Variants in FHIT observed in about 807,000 individuals in gnomAD.
FHIT encodes fragile histidine triad diadenosine triphosphatase, also known as bis(5'-adenosyl)-triphosphatase.
FHIT carries 19 observed loss-of-function variants against 17.9 expected under a neutral mutation model. The observed-to-expected ratio is 1.06, with a 90% CI of 0.74 to 1.56. The LOEUF is 1.56. Among genes scored for constraint, FHIT ranks in the 40% most tolerant of loss-of-function variants. FHIT has a pLI of 0.00. For synonymous variants in FHIT, 81 were observed against 69.7 expected, an observed-to-expected ratio of 1.16 and a Z score of -0.81; for missense variants, 248 against 189.2, an observed-to-expected ratio of 1.31 and a Z score of -1.82.
intron 5 of FHIT, among the ~76,000 whole-genome samples, chr3:60,320,901 C>T (rs1027575228): frequency 5.3e-5 from 8 of 152,068 alleles, no homozygotes; most frequent in South Asian, 2.1e-4. Flanking sequence ...AAACCCAAAT[C>T]GTAATGATCA....
chr3:61,151,054 T>G (rs2037372466), intron 2 of FHIT, among the ~76,000 whole-genome samples: 1 of 152,254 alleles, frequency 6.6e-6, no homozygotes, highest in African/African-American at 2.4e-5. Context: ...TAAAATTATT[T>G]ACTTACTTTG....
intron 4 of FHIT, among the ~76,000 whole-genome samples, chr3:60,586,231 T>G (rs73836606): frequency 0.015 from 2,319 of 152,008 alleles, 91 homozygotes; most frequent in African/African-American, 0.053. Context: ...TCAAAATGAA[T>G]AAATAAAGGT....
chr3:60,403,288 G>T (rs1004236884), intron 5 of FHIT, among the ~76,000 whole-genome samples: 1 of 152,124 alleles, frequency 6.6e-6, no homozygotes, highest in Non-Finnish European at 1.5e-5. Flanking sequence ...ATTATCTTAG[G>T]AGCTGGTGGT....
intron 2 of FHIT, among the ~76,000 whole-genome samples, chr3:61,083,396 C>A (rs934168342): frequency 6.6e-6 from 1 of 152,190 alleles, no homozygotes; most frequent in African/African-American, 2.4e-5. Flanking sequence ...CGAGACCATC[C>A]TGGCTACCAC....
At chr3:60,989,882 T>C (rs2030030130) in intron 3 of FHIT, among the ~76,000 whole-genome samples, 1 of 152,132 alleles carries the variant, frequency 6.6e-6, no homozygotes, top group Non-Finnish European at 1.5e-5. Context: ...AATAAAAGCC[T>C]GAGGTGGAAG....
intron 5 of FHIT, among the ~76,000 whole-genome samples, chr3:60,528,024 AG>A (rs2035638607): frequency 6.6e-6 from 1 of 152,252 alleles, no homozygotes; most frequent in Non-Finnish European, 1.5e-5. Flanking sequence ...CCCAGGCTAG[AG>A]TGCAGAGGTG....
intron 5 of FHIT, among the ~76,000 whole-genome samples, chr3:60,304,666 T>C (rs1487637833): frequency 6.6e-6 from 1 of 152,150 alleles, no homozygotes; most frequent in East Asian, 1.9e-4. Flanking sequence ...GTGCCATATA[T>C]TGCATGGGAC....
intron 3 of FHIT, among the ~76,000 whole-genome samples, chr3:60,907,374 G>A (rs1706486386): frequency 6.6e-6 from 1 of 152,098 alleles, no homozygotes; most frequent in Non-Finnish European, 1.5e-5. Flanking sequence ...TCATGAAAGA[G>A]AAATAAAAGG....
intron 6 of FHIT, among the ~76,000 whole-genome samples, chr3:60,012,859 G>A (rs1284395153): frequency 6.6e-6 from 1 of 152,148 alleles, no homozygotes; most frequent in Non-Finnish European, 1.5e-5. Context: ...ACCAGCAATG[G>A]CCATTTCCTA....
At chr3:60,064,267 ACT>A (rs778663589) in intron 5 of FHIT, among the ~76,000 whole-genome samples, 1 of 152,274 alleles carries the variant, frequency 6.6e-6, no homozygotes, top group East Asian at 1.9e-4. Context: ...GTTGTTTATA[ACT>A]CTTATTTGAT....
chr3:60,405,850 C>A (rs1050730273), intron 5 of FHIT, among the ~76,000 whole-genome samples: 1 of 152,204 alleles, frequency 6.6e-6, no homozygotes. Flanking sequence ...GAGAAACCCT[C>A]AGCTAGACAA....
chr3:60,736,713 G>A (rs2042139919), intron 4 of FHIT, among the ~76,000 whole-genome samples: 1 of 152,206 alleles, frequency 6.6e-6, no homozygotes, highest in African/African-American at 2.4e-5. Flanking sequence ...GAATTAGATA[G>A]TGGTAATGGC....
chr3:60,554,091 C>G (rs1275945547), intron 4 of FHIT, among the ~76,000 whole-genome samples: 1 of 149,636 alleles, frequency 6.7e-6, no homozygotes, highest in African/African-American at 2.5e-5. Flanking sequence ...GACTTCATCT[C>G]AAAAAAAGAA....
At chr3:60,766,129 T>TTA (rs1188133840) in intron 4 of FHIT, among the ~76,000 whole-genome samples, 28 of 152,272 alleles carry the variant, frequency 1.8e-4, no homozygotes, top group East Asian at 5.8e-4. Flanking sequence ...ATATATTCCC[T>TTA]TATATATATA....
chr3:61,061,042 T>C (rs1011417781), intron 2 of FHIT, among the ~76,000 whole-genome samples: 91 of 152,346 alleles, frequency 6.0e-4, no homozygotes, highest in African/African-American at 2.2e-3. Context: ...TGTTTCACTA[T>C]TCTGCAGAAT....
chr3:61,181,891 T>G (rs1199331733), intron 2 of FHIT, among the ~76,000 whole-genome samples: 1 of 152,212 alleles, frequency 6.6e-6, no homozygotes, highest in Non-Finnish European at 1.5e-5. Flanking sequence ...ATTACATTTC[T>G]GTTCTATAAG....
In FHIT at chr3:60,804,866, C is replaced by G. The variant is rs561175808; in HGVS notation, c.-18+17053G>C. 5.3e-5 allele frequency among the ~76,000 whole-genome samples: 8 copies of G among 152,330 alleles called. 1 individual carries two copies. The highest frequency in any genetic ancestry group is 1.9e-4 in the African/African-American group (8 of 41,584). ...CCTCCGAGGAGACTTCTCTGCCATCCCAGCTGCCATGAATCCCTGCACTCT... is the reference window on the plus strand; with the variant it reads ...CCTCCGAGGAGACTTCTCTGCCATCGCAGCTGCCATGAATCCCTGCACTCT... On this transcript the variant is annotated intron_variant, in intron 4 of 9. Transcript: ENST00000492590.
intron 5 of FHIT, among the ~76,000 whole-genome samples, chr3:60,086,791 C>T (rs763108410): frequency 3.3e-5 from 5 of 152,188 alleles, no homozygotes; most frequent in Non-Finnish European, 7.3e-5. Flanking sequence ...GGGTGCAGCT[C>T]AAGTAGCTGC....
chr3:60,599,132 C>T (rs1455584406), intron 4 of FHIT, among the ~76,000 whole-genome samples: 2 of 152,142 alleles, frequency 1.3e-5, no homozygotes, highest in Non-Finnish European at 2.9e-5. Context: ...TTGATCCCGC[C>T]AGATCAGAAA....
Sources: allele counts gnomAD v4.1 joint callset (sites outside exome capture counted in the v4.1 genomes callset), GRCh38; gene constraint gnomAD v4.1.1; transcripts MANE v1.5; gene names NCBI Gene and HGNC (gene_info 2026-07-23, HGNC 2026-07-21).